MYO3B: variants seen among roughly 807,000 people sequenced by gnomAD.
The protein encoded by MYO3B is myosin IIIB.
Under a neutral mutation model 174.6 loss-of-function variants are expected in MYO3B, and 156 were observed. The ratio of observed to expected loss-of-function variants is 0.89; its 90% CI spans 0.78 to 1.02. The LOEUF is 1.02. MYO3B is among the 50% of genes least tolerant of loss of function. The probability of loss-of-function intolerance (pLI) is 0.00; values close to 1 mark genes in which losing one functional copy is unlikely to be tolerated. For synonymous variants in MYO3B, 563 were observed against 569.1 expected, an observed-to-expected ratio of 0.99 and a Z score of 0.15; for missense variants, 1,632 against 1,639.4, an observed-to-expected ratio of 1.00 and a Z score of 0.08.
chr2:170,623,610 G>A (rs1696129968), intron 32 of MYO3B, among the ~76,000 whole-genome samples: 1 of 152,126 alleles, frequency 6.6e-6, no homozygotes, highest in Non-Finnish European at 1.5e-5. Flanking sequence ...GGCTTTTGTT[G>A]CCATTGCTTT....
intron 25 of MYO3B, among the ~76,000 whole-genome samples, chr2:170,485,388 C>CAT (rs1685974688): frequency 2.1e-5 from 2 of 96,822 alleles, no homozygotes; most frequent in Non-Finnish European, 4.3e-5. Context: ...CCTTTCAGAA[C>CAT]ACACACACAC....
intron 1 of MYO3B, among the ~76,000 whole-genome samples, chr2:170,181,578 T>G (rs1179928077): frequency 1.3e-5 from 2 of 152,200 alleles, no homozygotes; most frequent in Non-Finnish European, 2.9e-5. Context: ...CCTAGATTCC[T>G]GTATCAGATG....
In MYO3B at chr2:170,214,796, C is replaced by A; in HGVS notation, c.494C>A (p.Thr165Lys). Residue 165 changes from threonine (T) to lysine (K), a missense_variant, in exon 5 of 35, where the codon ACA becomes AAA. Coordinates refer to ENST00000408978, the MANE Select transcript of MYO3B (RefSeq NM_138995.5). ...RDVKGNNILL[T>K]TEGGVKLVDF... is the part of the protein sequence containing the mutation. ...GTGAAGGGGAATAACATTCTTCTGA[C>A]AACAGAAGGAGGAGTTAAGCTCGTT... The A allele has an allele frequency of 6.2e-7, 1 of 1,613,920 alleles. No homozygotes were observed. The highest frequency in any genetic ancestry group is 1.6e-4 in the Middle Eastern group (1 of 6,062).
chr2:170,460,265 G>A (rs934204490), intron 23 of MYO3B, among the ~76,000 whole-genome samples: 6 of 152,092 alleles, frequency 3.9e-5, no homozygotes, highest in South Asian at 2.1e-4. Context: ...CGAGGCGGGC[G>A]GATCTCAAGG....
intron 32 of MYO3B, among the ~76,000 whole-genome samples, chr2:170,597,667 A>C (rs1694241463): frequency 6.6e-6 from 1 of 152,178 alleles, no homozygotes; most frequent in South Asian, 2.1e-4. Flanking sequence ...AGATGGTCTC[A>C]GTTTCTGATG....
chr2:170,522,088 T>G (rs2106147712), intron 30 of MYO3B, among the ~76,000 whole-genome samples: 1 of 152,304 alleles, frequency 6.6e-6, no homozygotes, highest in African/African-American at 2.4e-5. Context: ...CCGCTTACCA[T>G]TAAAATAAAG....
At chr2:170,619,023 G>A (rs1695653117) in intron 32 of MYO3B, among the ~76,000 whole-genome samples, 1 of 152,176 alleles carries the variant, frequency 6.6e-6, no homozygotes, top group Non-Finnish European at 1.5e-5. Context: ...ACAATCCACG[G>A]AAACAGGATG....
chr2:170,527,265 T>G (rs1472291533), intron 30 of MYO3B, among the ~76,000 whole-genome samples: 1 of 152,180 alleles, frequency 6.6e-6, no homozygotes, highest in African/African-American at 2.4e-5. Flanking sequence ...CAGGAAGAAC[T>G]ATTACAGGGA....
chr2:170,458,743 G>A (rs554541703), intron 23 of MYO3B, among the ~76,000 whole-genome samples: 4 of 152,314 alleles, frequency 2.6e-5, no homozygotes, highest in Non-Finnish European at 4.4e-5. Context: ...TTAAAAGGCT[G>A]AGAGAAGCAA....
Position 170,214,443 on chromosome 2 carries a change from A to C in MYO3B, c.386A>C (p.Asp129Ala). Reference protein sequence around the residue: ...KGLLRCGQRLDEAMISYILYG... With the variant: ...KGLLRCGQRLAEAMISYILYG... Reference sequence around the variant, plus strand: ...CTACTCAGATGTGGCCAGCGGTTGGATGAAGCAATGATCTCATACATCTTG... The same window carrying C: ...CTACTCAGATGTGGCCAGCGGTTGGCTGAAGCAATGATCTCATACATCTTG... Residue 129 changes from aspartate (D) to alanine (A), a missense_variant, in exon 4 of 35, where the codon GAT becomes GCT. Transcript: ENST00000408978. 6.2e-7 allele frequency: 1 copy of C among 1,614,164 alleles called. No homozygotes were observed. The highest frequency in any genetic ancestry group is 8.5e-7 in the Non-Finnish European group (1 of 1,180,010).
At chr2:170,398,723 A>G (rs1237168424) in intron 16 of MYO3B, among the ~76,000 whole-genome samples, 2 of 152,208 alleles carry the variant, frequency 1.3e-5, no homozygotes, top group South Asian at 2.1e-4. Flanking sequence ...AACTGGGAGC[A>G]AAGAACAAAT....
At chr2:170,374,212 T>G (rs998563083) in intron 9 of MYO3B, among the ~76,000 whole-genome samples, 18 of 152,116 alleles carry the variant, frequency 1.2e-4, no homozygotes, top group Non-Finnish European at 1.8e-4. Context: ...TCAGTGGACA[T>G]GATGAGTGGG....
At chr2:170,254,765 G>A (rs753551080) in intron 7 of MYO3B, among the ~76,000 whole-genome samples, 21 of 152,348 alleles carry the variant, frequency 1.4e-4, no homozygotes, top group Non-Finnish European at 2.8e-4. Flanking sequence ...ACAGGTTCAT[G>A]TGCCAGCATG....
rs150862855 is a variant in MYO3B, at chr2:170,477,618, T to C, written c.3014+10907T>C. On this transcript the variant is annotated intron_variant, in intron 25 of 34. Coordinates refer to ENST00000408978, the MANE Select transcript of MYO3B (RefSeq NM_138995.5). ...CCAGAGTTTCTCAACCTCTGTGTTA[T>C]TGACATTTTGGACCAGATAATTCTT... Among the ~76,000 whole-genome samples, 132 of 151,910 alleles carry C rather than the reference T, an allele frequency of 8.7e-4. 1 individual carries two copies. Among genetic ancestry groups the C allele is most frequent in the South Asian group, 2.9e-3 (14 of 4,750 alleles).
chr2:170,346,138 T>C (rs2094014166), intron 8 of MYO3B: 1 of 152,180 alleles, frequency 6.6e-6, no homozygotes, highest in South Asian at 2.1e-4. Flanking sequence ...AGCTGTGGGA[T>C]AGTAATATTC....
chr2:170,552,847 G>T (rs2106231429), intron 32 of MYO3B, among the ~76,000 whole-genome samples: 1 of 152,258 alleles, frequency 6.6e-6, no homozygotes, highest in South Asian at 2.1e-4. Context: ...TGGGCCCAGG[G>T]TCCCACTGCT....
intron 1 of MYO3B, among the ~76,000 whole-genome samples, chr2:170,181,757 TG>T (rs1453309553): frequency 3.9e-5 from 6 of 152,178 alleles, no homozygotes; most frequent in Non-Finnish European, 1.5e-5. Context: ...TGATTATATA[TG>T]TAAAGTAAAT....
At chr2:170,386,386 T>A in intron 13 of MYO3B, 114 bp downstream of exon 13, 1 of 809,520 alleles carries the variant, frequency 1.2e-6, no homozygotes, top group Non-Finnish European at 1.9e-6. Context: ...ATAAAGACAT[T>A]CCATCTTTGC....
At chr2:170,431,556 A>T (rs2094709200) in intron 22 of MYO3B, among the ~76,000 whole-genome samples, 1 of 152,228 alleles carries the variant, frequency 6.6e-6, no homozygotes, top group Admixed American at 6.5e-5. Context: ...GTCAGTGAAA[A>T]CATTGGTTTG....
Sources: gnomAD v4.1 joint callset for allele counts (sites outside exome capture counted in the v4.1 genomes callset) on GRCh38, gnomAD v4.1.1 for gene constraint, MANE v1.5 for transcripts, NCBI Gene and HGNC (gene_info 2026-07-23, HGNC 2026-07-21) for gene names.